The following ITPR1 variants were observed in gnomAD, a reference collection of about 807,000 sequenced individuals.
ITPR1 encodes the protein inositol 1,4,5-trisphosphate-gated calcium channel ITPR1.
ITPR1 carries 96 observed loss-of-function variants against 318.4 expected under a neutral mutation model. The ratio of observed to expected loss-of-function variants is 0.30; its 90% CI spans 0.26 to 0.36. The LOEUF (loss-of-function observed/expected upper bound fraction) is 0.36. Among genes scored for constraint, ITPR1 ranks in the 10% least tolerant of loss-of-function variants. The pLI is 1.00. For missense variants in ITPR1, 2,440 were observed against 3,460.2 expected (o/e 0.71, Z 7.40); for synonymous variants, 1,312 against 1,289.9 (o/e 1.02, Z -0.37).
At chr3:4,723,854 TA>T (rs1341662560) in intron 40 of ITPR1, among the ~76,000 whole-genome samples, 1 of 152,006 alleles carries the variant, frequency 6.6e-6, no homozygotes, top group Non-Finnish European at 1.5e-5. Flanking sequence ...CTTCTGTCTA[TA>T]TCTCTGTCTG....
intron 61 of ITPR1, among the ~76,000 whole-genome samples, chr3:4,838,274 T>A (rs780394838): frequency 6.6e-6 from 1 of 152,142 alleles, no homozygotes; most frequent in Non-Finnish European, 1.5e-5. Context: ...AAATGAGTAA[T>A]AACCTAAATA....
intron 61 of ITPR1, among the ~76,000 whole-genome samples, chr3:4,844,912 T>C (rs1350921159): frequency 6.6e-6 from 1 of 152,194 alleles, no homozygotes; most frequent in Non-Finnish European, 1.5e-5. Flanking sequence ...CACATTGAAA[T>C]TGAACCTAGG....
chr3:4,793,588 G>C (rs73807154), intron 52 of ITPR1, among the ~76,000 whole-genome samples: 3,595 of 152,260 alleles, frequency 0.024, 143 homozygotes, highest in African/African-American at 0.083. Context: ...GCTTAAATTT[G>C]CTTCAGCAAT....
chr3:4,666,752 G>C (rs11130095), intron 17 of ITPR1, among the ~76,000 whole-genome samples: 20,204 of 152,078 alleles, frequency 0.13, 2,764 homozygotes, highest in African/African-American at 0.35. Context: ...GAAACAAACA[G>C]GTATTTGTAA....
chr3:4,784,048 T>A, intron 51 of ITPR1, 128 bp downstream of exon 51: 1 of 658,996 alleles, frequency 1.5e-6, no homozygotes, highest in Non-Finnish European at 2.6e-6. Context: ...GTGTGCTAGG[T>A]CCTGGGCTGG....
chr3:4,843,446 T>C (rs965301069), intron 61 of ITPR1, among the ~76,000 whole-genome samples: 10 of 152,188 alleles, frequency 6.6e-5, no homozygotes, highest in Admixed American at 1.3e-4. Context: ...GTTCTCAAAG[T>C]GTAGTCCCCA....
At position 4,779,497 on chromosome 3, in the gene ITPR1, C is replaced by T. The variant is rs7653732; in HGVS notation, c.6292-53C>T. The T allele has an allele frequency of 4.3e-5, 59 of 1,370,158 alleles. No individual in the cohort carries two copies. In the East Asian group the frequency reaches 8.1e-4, roughly 19 times the overall value. 84.9% of individuals were successfully genotyped at this position (1,370,158 alleles called of 1,614,324 possible). A position where few individuals can be genotyped will look rare whatever the true frequency, so the allele number is the denominator to read the frequency against. On this transcript the variant is annotated intron_variant, in intron 48 of 61. Coordinates refer to ENST00000649015, the MANE Select transcript of ITPR1 (RefSeq NM_001378452.1). This position sits in a 1 kb window ranked among gnomAD's most constrained non-coding sequence, Gnocchi z 4.0. ...TGCCAGTTGGCACCTGCATTCAGGC[C>T]GGGCCCCCAAGCAGCCCCTCTACAT...
Position 4,644,227 on chromosome 3 carries a change from G to T in ITPR1, c.617G>T (p.Cys206Phe). 1 of 1,602,392 alleles carries T rather than the reference G, an allele frequency of 6.2e-7. No individual in the cohort carries two copies. The highest frequency in any genetic ancestry group is 8.5e-7 in the Non-Finnish European group (1 of 1,173,338). The change falls in exon 8 of 62, where the codon TGC (cysteine) becomes TTC (phenylalanine). Residue 206 changes from cysteine to phenylalanine, a missense_variant. Cys to Phe is a radical substitution (Grantham distance 205). Coordinates refer to ENST00000649015, the MANE Select transcript of ITPR1 (RefSeq NM_001378452.1). ...CATCAACTGGTAGATAACCCAGGCT[G>T]CAATGAGGTAAGGACATTGAGTTAT... Reference protein sequence around the residue: ...SSHQLVDNPGCNEVNSVNCNT... With the variant: ...SSHQLVDNPGFNEVNSVNCNT...
chr3:4,494,713 A>G (rs982907958), intron 2 of ITPR1, among the ~76,000 whole-genome samples: 1 of 152,184 alleles, frequency 6.6e-6, no homozygotes, highest in Non-Finnish European at 1.5e-5. Flanking sequence ...GTAGCTGAGA[A>G]TTGAAGGAGC....
At chr3:4,708,662 A>G (rs952065102) in intron 37 of ITPR1, among the ~76,000 whole-genome samples, 9 of 151,928 alleles carry the variant, frequency 5.9e-5, no homozygotes, top group African/African-American at 2.2e-4. Flanking sequence ...TCTTAGATTT[A>G]TTATGCATAT....
chr3:4,706,232 T>C lies in ITPR1; in HGVS notation c.4723T>C (p.Ser1575Pro). 1.2e-6 allele frequency: 2 copies of C among 1,613,996 alleles called. No homozygotes were observed. Among genetic ancestry groups the C allele is most frequent in the South Asian group, 2.2e-5 (2 of 91,080 alleles). The change falls in exon 37 of 62, where the codon TCC becomes CCC. Residue 1575 changes from serine to proline, a missense_variant. By Grantham distance (74) the Ser-to-Pro change is moderately conservative. Coordinates refer to ENST00000649015, the MANE Select transcript of ITPR1 (RefSeq NM_001378452.1). ...DSQVNNLFLK[S>P]HSIVQKTAMN... ...CCAAGTCAACAACCTCTTTCTCAAGTCCCACAGCATTGTGCAGAAAACAGC... is the reference window on the plus strand; with the variant it reads ...CCAAGTCAACAACCTCTTTCTCAAGCCCCACAGCATTGTGCAGAAAACAGC...
chr3:4,847,212 T>G lies in ITPR1; in HGVS notation c.*987T>G, dbSNP rs1575462063. The G allele has an allele frequency of 6.5e-6, 1 of 152,764 alleles. No individual in the cohort carries two copies. The highest frequency in any genetic ancestry group is 3.4e-3 in the Middle Eastern group (1 of 294). The allele number at this position is 152,764 out of a possible 1,614,324, so 9.5% of individuals were successfully genotyped here. On this transcript the variant is annotated 3_prime_UTR_variant, in exon 62 of 62. Transcript: ENST00000649015. ...TATACATCCATATAAAGATGAAATA[T>G]GAACTATCTCATTAGAAGTCATAGT...
In ITPR1 at chr3:4,762,959, C is replaced by T. The variant is rs1251119161; in HGVS notation, c.5545-3571C>T. Among the ~76,000 whole-genome samples, 7 of 152,132 alleles carry T rather than the reference C, an allele frequency of 4.6e-5. No individual in the cohort carries two copies. In the East Asian group the frequency reaches 1.2e-3, roughly 25 times the overall value. On this transcript the variant is annotated intron_variant, in intron 44 of 61. Transcript: ENST00000649015. ...AACCCAAACGCCCATCAATGATAGA[C>T]TGGATAAAGAAATTATAGTACATAA...
intron 4 of ITPR1, among the ~76,000 whole-genome samples, chr3:4,598,169 C>T (rs981129747): frequency 7.9e-5 from 12 of 152,220 alleles, no homozygotes; most frequent in African/African-American, 2.7e-4. Flanking sequence ...CCCCTCTCCC[C>T]TGGTTGAAAG....
chr3:4,687,817 TA>T (rs1184186947), intron 30 of ITPR1, among the ~76,000 whole-genome samples: 2 of 152,206 alleles, frequency 1.3e-5, no homozygotes, highest in Non-Finnish European at 2.9e-5. Flanking sequence ...ATGGGAAAAC[TA>T]AGTCTGAGGT....
rs527667606 is a variant in ITPR1 at position 4,543,272 on chromosome 3, A to G, written c.163+22178A>G. Among the ~76,000 whole-genome samples, 22 of 151,940 alleles carry G rather than the reference A, an allele frequency of 1.4e-4. 1 individual carries two copies. In the East Asian group the frequency reaches 3.7e-3, roughly 25 times the overall value. Reference sequence around the variant, plus strand: ...GCAAGAGCCTGTCTCAAAAAAAAAAAAGAGAAAAAAAAGAAAAAAGCAATT... The same window carrying G: ...GCAAGAGCCTGTCTCAAAAAAAAAAGAGAGAAAAAAAAGAAAAAAGCAATT... On this transcript the variant is annotated intron_variant, in intron 4 of 61. Coordinates refer to ENST00000649015, the MANE Select transcript of ITPR1 (RefSeq NM_001378452.1).
chr3:4,730,400 TGTGTGTGTGTGTGTGTGTG>T (rs1559788458), intron 42 of ITPR1, among the ~76,000 whole-genome samples: 27 of 146,434 alleles, frequency 1.8e-4, no homozygotes, highest in South Asian at 4.3e-4. Flanking sequence ...TGTGTGTGTG[TGTGTGTGTGTGTGTGTGTG>T]TTTCCCCCAG....
chr3:4,559,319 T>C lies in ITPR1; in HGVS notation c.163+38225T>C, dbSNP rs540645999. Among the ~76,000 whole-genome samples, 14 of 152,294 alleles carry C rather than the reference T, an allele frequency of 9.2e-5. No individual in the cohort carries two copies. In the South Asian group the frequency reaches 2.7e-3, roughly 29 times the overall value. On this transcript the variant is annotated intron_variant, in intron 4 of 61. Transcript: ENST00000649015. Reference sequence around the variant, plus strand: ...CATGCCATTGACTTACTGAATAATATTTGATGTTAAAAATGTGTGCATGCA... The same window carrying C: ...CATGCCATTGACTTACTGAATAATACTTGATGTTAAAAATGTGTGCATGCA...
chr3:4,511,614 A>G (rs950382407), intron 2 of ITPR1, among the ~76,000 whole-genome samples: 1 of 152,162 alleles, frequency 6.6e-6, no homozygotes. Context: ...GCTGAACCTT[A>G]TGTCAGCTTG....
Sources: allele counts gnomAD v4.1 joint callset (sites outside exome capture counted in the v4.1 genomes callset), GRCh38; gene constraint gnomAD v4.1.1; non-coding constraint Gnocchi (gnomAD v3.1); transcripts MANE v1.5; gene names NCBI Gene and HGNC (gene_info 2026-07-23, HGNC 2026-07-21).